Variants in UNC13C observed in about 807,000 individuals in gnomAD.
The protein encoded by UNC13C is unc-13 homolog C.
UNC13C carries 174 observed loss-of-function variants against 245.4 expected under a neutral mutation model. The observed-to-expected ratio is 0.71, with a 90% CI of 0.63 to 0.80. The LOEUF (loss-of-function observed/expected upper bound fraction) is 0.80, where lower values mean the gene tolerates loss of function less well. UNC13C is among the 30% of genes least tolerant of loss of function. The pLI is 0.00. For missense variants in UNC13C, 2,829 were observed against 2,602.9 expected (o/e 1.09, Z -1.89); for synonymous variants, 992 against 895.1 (o/e 1.11, Z -1.93).
chr15:54,089,531 G>A (rs1423124980), intron 2 of UNC13C, among the ~76,000 whole-genome samples: 1 of 152,138 alleles, frequency 6.6e-6, no homozygotes, highest in African/African-American at 2.4e-5. Context: ...GTCATCGTAT[G>A]TGCATGTGTG....
chr15:54,240,310 C>T (rs1357678838), intron 7 of UNC13C, among the ~76,000 whole-genome samples: 1 of 152,146 alleles, frequency 6.6e-6, no homozygotes, highest in Non-Finnish European at 1.5e-5. Flanking sequence ...TCACTATTGA[C>T]GAGCTGTCGC....
chr15:54,003,947 C>T (rs1566942515), intron 1 of UNC13C, among the ~76,000 whole-genome samples: 2 of 151,982 alleles, frequency 1.3e-5, no homozygotes, highest in African/African-American at 2.4e-5. Context: ...GAAGGGGCAG[C>T]TTGCAGTGAG....
At chr15:54,041,357 A>G (rs903363188) in intron 2 of UNC13C, among the ~76,000 whole-genome samples, 2 of 152,214 alleles carry the variant, frequency 1.3e-5, no homozygotes, top group Admixed American at 6.5e-5. Flanking sequence ...GTGATTATAA[A>G]TAACACTTCT....
At chr15:54,326,054 CAGA>C (rs1373488439) in intron 14 of UNC13C, among the ~76,000 whole-genome samples, 5 of 151,904 alleles carry the variant, frequency 3.3e-5, no homozygotes, top group African/African-American at 4.8e-5. Flanking sequence ...GTCATGAGGG[CAGA>C]AGGAGAGGCT....
chr15:53,958,192 A>G, the UNC13C span, among the ~76,000 whole-genome samples: 6 of 152,162 alleles, frequency 3.9e-5, no homozygotes, highest in Non-Finnish European at 1.5e-5. Context: ...ACCTATACCA[A>G]TGTTCAAAGA....
intron 4 of UNC13C, among the ~76,000 whole-genome samples, chr15:54,195,862 C>T (rs9944244): frequency 0.11 from 17,179 of 152,014 alleles, 1,664 homozygotes; most frequent in African/African-American, 0.26. Flanking sequence ...TGATAATATA[C>T]CAAAGCTGGT....
chr15:54,035,588 G>T (rs1319304297), intron 2 of UNC13C, among the ~76,000 whole-genome samples: 1 of 152,084 alleles, frequency 6.6e-6, no homozygotes, highest in African/African-American at 2.4e-5. Context: ...CCCATTCTTA[G>T]ATGCATGCAC....
chr15:54,559,108 C>G (rs1039810633), intron 29 of UNC13C, among the ~76,000 whole-genome samples: 2 of 152,030 alleles, frequency 1.3e-5, no homozygotes, highest in Non-Finnish European at 2.9e-5. Context: ...AGTGGCAATA[C>G]TGAGGTTTCT....
At chr15:54,552,720 T>C (rs1252412665) in intron 28 of UNC13C, among the ~76,000 whole-genome samples, 1 of 77,002 alleles carries the variant, frequency 1.3e-5, no homozygotes, top group African/African-American at 5.4e-5. Context: ...TATTATATTG[T>C]ACAATATATA....
intron 1 of UNC13C, among the ~76,000 whole-genome samples, chr15:53,989,262 G>A (rs919277658): frequency 6.6e-6 from 1 of 151,594 alleles, no homozygotes; most frequent in Admixed American, 6.6e-5. Context: ...TGAAGGCAAG[G>A]TTATGCAACC....
chr15:54,548,916 C>T (rs1402186560), intron 27 of UNC13C, among the ~76,000 whole-genome samples: 1 of 152,120 alleles, frequency 6.6e-6, no homozygotes, highest in Non-Finnish European at 1.5e-5. Flanking sequence ...GGTCACTATT[C>T]TCAAACTTAT....
chr15:54,263,032 G>A (rs2036465924), intron 8 of UNC13C, among the ~76,000 whole-genome samples: 1 of 152,032 alleles, frequency 6.6e-6, no homozygotes, highest in Non-Finnish European at 1.5e-5. Context: ...AATTGTGCTT[G>A]CCTATAAATT....
intron 19 of UNC13C, among the ~76,000 whole-genome samples, chr15:54,457,218 G>A (rs1386947102): frequency 1.3e-5 from 2 of 151,918 alleles, no homozygotes; most frequent in Non-Finnish European, 2.9e-5. Context: ...CTCCATCCTT[G>A]GTATGAAACC....
Position 54,250,327 on chromosome 15 carries a change from T to A in UNC13C, c.3331T>A (p.Cys1111Ser). The change falls in exon 8 of 33, where the codon TGT becomes AGT. Residue 1111 changes from cysteine to serine, a missense_variant. Transcript: ENST00000260323. ...CTGGACGGCTACCACACCCACCTAC[T>A]GTTATGAGTGTGAAGGGCTCCTGTG... ...EVWTATTPTY[C>S]YECEGLLWGI... The A allele has an allele frequency of 1.9e-6, 3 of 1,613,906 alleles. No homozygotes were observed. Among genetic ancestry groups the A allele is most frequent in the Non-Finnish European group, 2.5e-6 (3 of 1,179,866 alleles).
chr15:53,925,742 T>C, the UNC13C span, among the ~76,000 whole-genome samples: 7 of 152,270 alleles, frequency 4.6e-5, no homozygotes, highest in Middle Eastern at 6.8e-3. Context: ...ACCAGACTAT[T>C]ATTTACCAGT....
intron 30 of UNC13C, among the ~76,000 whole-genome samples, chr15:54,591,383 T>C (rs1386480954): frequency 2.6e-5 from 4 of 152,170 alleles, no homozygotes; most frequent in Non-Finnish European, 5.9e-5. Flanking sequence ...CTTCCTTGAA[T>C]GTCTGGTAGA....
At chr15:54,453,852 TGTA>T (rs1891321700) in intron 19 of UNC13C, among the ~76,000 whole-genome samples, 1 of 152,152 alleles carries the variant, frequency 6.6e-6, no homozygotes, top group Non-Finnish European at 1.5e-5. Context: ...CATTTTAAAG[TGTA>T]CAATTCAGTG....
intron 19 of UNC13C, among the ~76,000 whole-genome samples, chr15:54,451,057 A>T (rs1175744022): frequency 6.6e-6 from 1 of 152,122 alleles, no homozygotes; most frequent in Non-Finnish European, 1.5e-5. Flanking sequence ...TGAATATATC[A>T]TCTCTGTAAG....
intron 19 of UNC13C, among the ~76,000 whole-genome samples, chr15:54,470,593 T>C (rs1425424315): frequency 3.7e-5 from 5 of 136,036 alleles, no homozygotes; most frequent in Non-Finnish European, 3.2e-5. Flanking sequence ...GTAATATCTC[T>C]TTTTTCATTT....
Sources: gnomAD v4.1 joint callset for allele counts (sites outside exome capture counted in the v4.1 genomes callset) on GRCh38, gnomAD v4.1.1 for gene constraint, MANE v1.5 for transcripts, NCBI Gene and HGNC (gene_info 2026-07-23, HGNC 2026-07-21) for gene names.